Variants in PDGFC observed in about 807,000 individuals in gnomAD.
The protein encoded by PDGFC is platelet derived growth factor C.
PDGFC carries 12 observed loss-of-function variants against 35.5 expected under a neutral mutation model. The observed-to-expected ratio is 0.34, with a 90% CI of 0.22 to 0.55. The LOEUF (loss-of-function observed/expected upper bound fraction) is 0.55. PDGFC is among the 20% of genes least tolerant of loss of function. PDGFC has a pLI of 0.91. For missense variants in PDGFC, 322 were observed against 412.4 expected (o/e 0.78, Z 1.90); for synonymous variants, 159 against 148.8 (o/e 1.07, Z -0.50).
chr4:156,930,606 G>A (rs978688305), intron 1 of PDGFC, among the ~76,000 whole-genome samples: 9 of 152,182 alleles, frequency 5.9e-5, no homozygotes, highest in East Asian at 3.9e-4. Flanking sequence ...AGCGTCTCAC[G>A]CCTGTAATCC....
At chr4:156,879,417 C>T (rs1730190398) in intron 1 of PDGFC, among the ~76,000 whole-genome samples, 1 of 152,130 alleles carries the variant, frequency 6.6e-6, no homozygotes, top group Non-Finnish European at 1.5e-5. Context: ...GATTTCAATT[C>T]CTGTTGCTTC....
chr4:156,776,246 T>G (rs72974656), intron 3 of PDGFC, among the ~76,000 whole-genome samples: 2,270 of 152,330 alleles, frequency 0.015, 43 homozygotes, highest in African/African-American at 0.052. Flanking sequence ...TAACAATACT[T>G]TTGATATTTA....
intron 1 of PDGFC, among the ~76,000 whole-genome samples, chr4:156,915,585 T>C (rs1731139558): frequency 1.3e-5 from 2 of 152,090 alleles, no homozygotes; most frequent in African/African-American, 4.8e-5. Context: ...CTGAGATCAG[T>C]AGCTTGAGAC....
chr4:156,878,738 T>C (rs1730174489), intron 1 of PDGFC, among the ~76,000 whole-genome samples: 1 of 152,152 alleles, frequency 6.6e-6, no homozygotes, highest in Non-Finnish European at 1.5e-5. Flanking sequence ...ATACAAATCA[T>C]TGGTCTAACA....
At chr4:156,848,003 A>G (rs1729366649) in intron 2 of PDGFC, among the ~76,000 whole-genome samples, 1 of 151,830 alleles carries the variant, frequency 6.6e-6, no homozygotes, top group Admixed American at 6.6e-5. Context: ...ATACTATTGG[A>G]TACCCTCCTG....
intron 2 of PDGFC, among the ~76,000 whole-genome samples, chr4:156,828,832 G>A (rs1728856338): frequency 6.6e-6 from 1 of 151,954 alleles, no homozygotes; most frequent in Admixed American, 6.6e-5. Flanking sequence ...TTGGAATACT[G>A]TAAACAACAT....
chr4:156,793,534 CATATATATAT>C (rs66571528), intron 3 of PDGFC, among the ~76,000 whole-genome samples: 8 of 130,636 alleles, frequency 6.1e-5, no homozygotes, highest in African/African-American at 1.7e-4. Flanking sequence ...GAATTATGTG[CATATATATAT>C]ATATATATAT....
chr4:156,803,500 C>T (rs1731672231), intron 3 of PDGFC, among the ~76,000 whole-genome samples: 1 of 151,890 alleles, frequency 6.6e-6, no homozygotes, highest in Admixed American at 6.6e-5. Flanking sequence ...GCTTTATCTT[C>T]CAGTGAGAAA....
chr4:156,907,837 G>A (rs1476143533), intron 1 of PDGFC, among the ~76,000 whole-genome samples: 3 of 152,114 alleles, frequency 2.0e-5, no homozygotes, highest in Non-Finnish European at 4.4e-5. Flanking sequence ...CACCAAACAT[G>A]TCCAGTCCTT....
chr4:156,948,099 T>A (rs1731989854), intron 1 of PDGFC, among the ~76,000 whole-genome samples: 1 of 149,832 alleles, frequency 6.7e-6, no homozygotes, highest in South Asian at 2.1e-4. Context: ...ATAAATGAAG[T>A]CCATGGTGTG....
At chr4:156,806,931 T>C (rs1441288156) in intron 3 of PDGFC, among the ~76,000 whole-genome samples, 2 of 152,022 alleles carry the variant, frequency 1.3e-5, no homozygotes, top group Non-Finnish European at 2.9e-5. Context: ...GTGTGTGGCC[T>C]CCAAACAGAA....
At chr4:156,805,533 T>C (rs1438658704) in intron 3 of PDGFC, among the ~76,000 whole-genome samples, 1 of 152,140 alleles carries the variant, frequency 6.6e-6, no homozygotes, top group East Asian at 1.9e-4. Context: ...CACTAATGTT[T>C]TTCCTGTAGG....
chr4:156,837,178 T>C (rs1245660365), intron 2 of PDGFC, among the ~76,000 whole-genome samples: 1 of 152,234 alleles, frequency 6.6e-6, no homozygotes, highest in Non-Finnish European at 1.5e-5. Flanking sequence ...TATTACAGTG[T>C]ATTTTTAAAT....
At chr4:156,793,534 CATATATATATATATAT>C (rs66571528) in intron 3 of PDGFC, among the ~76,000 whole-genome samples, 2 of 130,636 alleles carry the variant, frequency 1.5e-5, no homozygotes, top group African/African-American at 2.8e-5. Context: ...GAATTATGTG[CATATATATATATATAT>C]ATATATATAT....
chr4:156,797,803 G>A (rs1030214523), intron 3 of PDGFC, among the ~76,000 whole-genome samples: 1 of 152,082 alleles, frequency 6.6e-6, no homozygotes, highest in African/African-American at 2.4e-5. Flanking sequence ...GCTGAGACTG[G>A]GCTACTCCTT....
At chr4:156,905,457 T>C (rs534552568) in intron 1 of PDGFC, among the ~76,000 whole-genome samples, 5 of 152,078 alleles carry the variant, frequency 3.3e-5, no homozygotes, top group Non-Finnish European at 7.4e-5. Flanking sequence ...TAATGTGCAA[T>C]GCGTAAACTG....
intron 1 of PDGFC, among the ~76,000 whole-genome samples, chr4:156,965,470 A>C (rs1268340696): frequency 6.6e-6 from 1 of 152,156 alleles, no homozygotes; most frequent in Non-Finnish European, 1.5e-5. Context: ...CTACATAATT[A>C]ATTAATTAAC....
At chr4:156,879,145 T>C (rs1037140765) in intron 1 of PDGFC, among the ~76,000 whole-genome samples, 2 of 152,178 alleles carry the variant, frequency 1.3e-5, no homozygotes, top group African/African-American at 2.4e-5. Context: ...TTCTTCCTCC[T>C]GGGGGATTCT....
intron 2 of PDGFC, chr4:156,841,948 A>C (rs1198030354): frequency 6.6e-6 from 1 of 152,138 alleles, no homozygotes; most frequent in Non-Finnish European, 1.5e-5. Context: ...TATTCAGGAA[A>C]CTTATTTTAT....
Sources: allele counts gnomAD v4.1 joint callset (sites outside exome capture counted in the v4.1 genomes callset), GRCh38; gene constraint gnomAD v4.1.1; transcripts MANE v1.5; gene names NCBI Gene and HGNC (gene_info 2026-07-23, HGNC 2026-07-21).